The following SLIT3 variants were observed in gnomAD, a reference collection of about 807,000 sequenced individuals.
SLIT3 encodes the protein slit homolog 3 protein.
SLIT3 carries 68 observed loss-of-function variants against 184.0 expected under a neutral mutation model. The ratio of observed to expected loss-of-function variants is 0.37; its 90% CI spans 0.30 to 0.45. The LOEUF is 0.45. Among genes scored for constraint, SLIT3 ranks in the 20% least tolerant of loss-of-function variants. The probability of loss-of-function intolerance (pLI) is 1.00; values close to 1 mark genes in which losing one functional copy is unlikely to be tolerated. For missense variants in SLIT3, 1,707 were observed against 2,026.0 expected (o/e 0.84, Z 3.02); for synonymous variants, 831 against 828.6 (o/e 1.00, Z -0.05).
chr5:168,887,579 A>C (rs903351774), intron 4 of SLIT3, among the ~76,000 whole-genome samples: 1 of 152,192 alleles, frequency 6.6e-6, no homozygotes, highest in African/African-American at 2.4e-5. Context: ...TCATTTGCAC[A>C]TTAGTTGTGT....
intron 4 of SLIT3, among the ~76,000 whole-genome samples, chr5:168,969,954 G>A (rs1051374910): frequency 7.9e-5 from 12 of 152,312 alleles, no homozygotes; most frequent in Non-Finnish European, 1.5e-4. Flanking sequence ...GGCCGAGGCC[G>A]GTGGATCATG....
chr5:169,121,932 G>C (rs1329903819), intron 4 of SLIT3, among the ~76,000 whole-genome samples: 3 of 152,202 alleles, frequency 2.0e-5, no homozygotes. Flanking sequence ...ACTCCAATTT[G>C]ACTGATTTCT....
chr5:168,876,101 C>T lies in SLIT3; in HGVS notation c.485+7164G>A, dbSNP rs72827687. On this transcript the variant is annotated intron_variant, in intron 5 of 35. Transcript: ENST00000519560. ...CTTCCTGCGTCAGAGCCGGCTTGCA[C>T]TGAAGTACACCTCTGTCTCTGGTTG... Among the ~76,000 whole-genome samples the T allele has an allele frequency of 5.3e-3, 806 of 152,268 alleles. 3 individuals carry two copies. Among genetic ancestry groups the T allele is most frequent in the Non-Finnish European group, 7.0e-3 (476 of 68,026 alleles).
Position 169,104,666 on chromosome 5 carries a change from A to AT in SLIT3, c.413+88812dup, listed in dbSNP as rs200914448. Among the ~76,000 whole-genome samples the AT allele has an allele frequency of 4.5e-3, 677 of 151,912 alleles. 6 individuals are homozygous for AT. Among genetic ancestry groups the AT allele is most frequent in the African/African-American group, 0.015 (642 of 41,446 alleles). On this transcript the variant is annotated intron_variant, in intron 4 of 35. Coordinates refer to ENST00000519560, the MANE Select transcript of SLIT3 (RefSeq NM_003062.4). ...CTTCTCCTGGTCATGAGCTTTGGTG[A>AT]TTTTTTCTCGTATTTTGGAGAGGGG...
intron 4 of SLIT3, among the ~76,000 whole-genome samples, chr5:169,098,183 T>C (rs1001918427): frequency 3.9e-5 from 6 of 152,082 alleles, no homozygotes; most frequent in Non-Finnish European, 8.8e-5. Context: ...TAGAGTTAAT[T>C]ATTCAGTCAC....
chr5:168,842,608 G>A (rs1009223271), intron 6 of SLIT3, among the ~76,000 whole-genome samples: 2 of 151,938 alleles, frequency 1.3e-5, no homozygotes, highest in Admixed American at 6.6e-5. Flanking sequence ...CCCCTCCTAT[G>A]TAGTACATAC....
chr5:169,242,595 G>A, intron 3 of SLIT3, among the ~76,000 whole-genome samples: 1 of 152,192 alleles, frequency 6.6e-6, no homozygotes, highest in Non-Finnish European at 1.5e-5. Context: ...TAAAGTTGAG[G>A]AGAAGAAGAA....
chr5:168,944,505 C>T (rs1363878880), intron 4 of SLIT3, among the ~76,000 whole-genome samples: 1 of 152,120 alleles, frequency 6.6e-6, no homozygotes, highest in African/African-American at 2.4e-5. Context: ...CACTGCTTCC[C>T]TTCTCATTTT....
intron 4 of SLIT3, among the ~76,000 whole-genome samples, chr5:169,084,970 G>C (rs1479842046): frequency 1.3e-5 from 2 of 152,162 alleles, no homozygotes; most frequent in African/African-American, 4.8e-5. Context: ...CTCCCAGCAG[G>C]AGTGTCTAAT....
chr5:168,828,883 G>T (rs1284806461), intron 6 of SLIT3, among the ~76,000 whole-genome samples: 1 of 152,168 alleles, frequency 6.6e-6, no homozygotes, highest in Non-Finnish European at 1.5e-5. Flanking sequence ...TTACTTAAGT[G>T]TAGAGGGTAG....
At chr5:169,091,523 C>T (rs546451268) in intron 4 of SLIT3, among the ~76,000 whole-genome samples, 2 of 152,372 alleles carry the variant, frequency 1.3e-5, no homozygotes, top group Admixed American at 1.3e-4. Context: ...GGAAGCTAAA[C>T]AGCACACTGT....
At chr5:168,922,253 C>T (rs535659071) in intron 4 of SLIT3, among the ~76,000 whole-genome samples, 1 of 151,968 alleles carries the variant, frequency 6.6e-6, no homozygotes, top group East Asian at 1.9e-4. Flanking sequence ...GTCAGGAGAT[C>T]GAGACCATCC....
chr5:168,681,079 G>A (rs1313918248), intron 32 of SLIT3, among the ~76,000 whole-genome samples: 1 of 152,218 alleles, frequency 6.6e-6, no homozygotes, highest in African/African-American at 2.4e-5. Context: ...AGGCTGGGAG[G>A]TGGAGGTTGC....
At chr5:169,081,578 C>T (rs868673423) in intron 4 of SLIT3, among the ~76,000 whole-genome samples, 2 of 151,992 alleles carry the variant, frequency 1.3e-5, no homozygotes, top group Non-Finnish European at 2.9e-5. Flanking sequence ...TCAGGGCCCC[C>T]GAGGAGAAGG....
intron 3 of SLIT3, among the ~76,000 whole-genome samples, chr5:169,208,289 T>C (rs561077462): frequency 6.6e-6 from 1 of 152,330 alleles, no homozygotes; most frequent in South Asian, 2.1e-4. Flanking sequence ...TCCATGAGCA[T>C]GGAATGTTTT....
intron 14 of SLIT3, among the ~76,000 whole-genome samples, chr5:168,766,537 C>T (rs567464218): frequency 1.3e-5 from 2 of 152,324 alleles, no homozygotes; most frequent in Admixed American, 6.5e-5. Flanking sequence ...TAAGCTATCC[C>T]CTTTGGAGTC....
chr5:168,842,127 A>T (rs1758275459), intron 6 of SLIT3, among the ~76,000 whole-genome samples: 2 of 152,122 alleles, frequency 1.3e-5, no homozygotes, highest in African/African-American at 4.8e-5. Flanking sequence ...AGGGGTGGGG[A>T]GGGGAGGTTC....
intron 10 of SLIT3, among the ~76,000 whole-genome samples, chr5:168,794,828 G>A (rs1756509540): frequency 6.6e-6 from 1 of 152,078 alleles, no homozygotes; most frequent in African/African-American, 2.4e-5. Context: ...TTTTCCTGCT[G>A]CCTGGGACAG....
intron 5 of SLIT3, among the ~76,000 whole-genome samples, chr5:168,850,096 T>G (rs1277966746): frequency 6.6e-6 from 1 of 152,202 alleles, no homozygotes; most frequent in Non-Finnish European, 1.5e-5. Flanking sequence ...TTATTTTAAC[T>G]GACAAAAGGA....
Sources: allele counts gnomAD v4.1 joint callset (sites outside exome capture counted in the v4.1 genomes callset), GRCh38; gene constraint gnomAD v4.1.1; transcripts MANE v1.5; gene names NCBI Gene and HGNC (gene_info 2026-07-23, HGNC 2026-07-21).